WDR70: variants seen among roughly 807,000 people sequenced by gnomAD.
WDR70 encodes WD repeat-containing protein 70.
In WDR70, 53 loss-of-function variants were observed where a neutral mutation model predicts 88.6. That is an observed-to-expected ratio of 0.60 (90% CI 0.48 to 0.75). The LOEUF is 0.75. WDR70 is among the 30% of genes least tolerant of loss of function. The probability of loss-of-function intolerance (pLI) is 0.00; values close to 1 mark genes in which losing one functional copy is unlikely to be tolerated. For synonymous variants in WDR70, 280 were observed against 270.0 expected, an observed-to-expected ratio of 1.04 and a Z score of -0.36; for missense variants, 610 against 823.2, an observed-to-expected ratio of 0.74 and a Z score of 3.17.
At chr5:37,618,685 G>A (rs577237647) in intron 10 of WDR70, among the ~76,000 whole-genome samples, 1 of 152,300 alleles carries the variant, frequency 6.6e-6, no homozygotes, top group South Asian at 2.1e-4. Flanking sequence ...GGATATATCA[G>A]ATCAAATAGG....
chr5:37,456,065 A>G (rs1371496314), intron 7 of WDR70, among the ~76,000 whole-genome samples: 1 of 152,134 alleles, frequency 6.6e-6, no homozygotes, highest in Non-Finnish European at 1.5e-5. Flanking sequence ...AATACTCCGT[A>G]CTGTAGAGGT....
intron 6 of WDR70, among the ~76,000 whole-genome samples, chr5:37,442,466 G>A (rs544371987): frequency 3.8e-4 from 57 of 151,926 alleles, no homozygotes; most frequent in African/African-American, 1.4e-3. Context: ...AGCATTACAG[G>A]TGCATGCCTC....
chr5:37,396,996 G>T (rs1329304130), intron 5 of WDR70, among the ~76,000 whole-genome samples: 1 of 152,126 alleles, frequency 6.6e-6, no homozygotes, highest in Non-Finnish European at 1.5e-5. Context: ...GCAAAAATTA[G>T]ACGGGTGTTA....
chr5:37,704,261 T>C (rs75996747), intron 13 of WDR70, among the ~76,000 whole-genome samples: 31 of 152,350 alleles, frequency 2.0e-4, no homozygotes, highest in Non-Finnish European at 2.1e-4. Flanking sequence ...ATTGAATCTA[T>C]CAACTTTCAT....
intron 5 of WDR70, among the ~76,000 whole-genome samples, chr5:37,437,408 A>G (rs910793232): frequency 6.6e-6 from 1 of 152,132 alleles, no homozygotes; most frequent in South Asian, 2.1e-4. Flanking sequence ...TTGATGTTGA[A>G]AGGACCTTGT....
At chr5:37,449,318 G>T (rs1422314393) in intron 7 of WDR70, among the ~76,000 whole-genome samples, 1 of 152,150 alleles carries the variant, frequency 6.6e-6, no homozygotes, top group East Asian at 1.9e-4. Flanking sequence ...CAGGCCGGGC[G>T]CAGTGGCTCA....
chr5:37,746,079 C>T (rs1364646392), intron 17 of WDR70, among the ~76,000 whole-genome samples: 1 of 152,190 alleles, frequency 6.6e-6, no homozygotes, highest in African/African-American at 2.4e-5. Flanking sequence ...AACAGCCTCT[C>T]AGACCTCAGT....
chr5:37,418,406 G>A (rs1172552400), intron 5 of WDR70, among the ~76,000 whole-genome samples: 2 of 151,942 alleles, frequency 1.3e-5, no homozygotes, highest in Non-Finnish European at 2.9e-5. Flanking sequence ...TGCAAGCTCC[G>A]CCTCCCGGGT....
chr5:37,747,947 C>G (rs1748682254), intron 17 of WDR70, among the ~76,000 whole-genome samples: 1 of 152,128 alleles, frequency 6.6e-6, no homozygotes, highest in Non-Finnish European at 1.5e-5. Flanking sequence ...TGAAGAACCT[C>G]TTCAAGGAGA....
At chr5:37,638,269 T>C (rs1367793276) in intron 10 of WDR70, among the ~76,000 whole-genome samples, 1 of 152,242 alleles carries the variant, frequency 6.6e-6, no homozygotes, top group Non-Finnish European at 1.5e-5. Flanking sequence ...CTTCAAGTTT[T>C]AATTTGCTTT....
Position 37,724,922 on chromosome 5 carries a change from G to T in WDR70, c.1598-12G>T. ...TGTTATAATGAAATTTTTCAAATGT[G>T]ACTTCTTGTAGCTCATGCCTTGCCT... On this transcript the variant is annotated splice_polypyrimidine_tract_variant and intron_variant, in intron 15 of 17. Transcript: ENST00000265107. 1 of 1,611,346 alleles carries T rather than the reference G, an allele frequency of 6.2e-7. No individual in the cohort carries two copies. Among genetic ancestry groups the T allele is most frequent in the Non-Finnish European group, 8.5e-7 (1 of 1,178,532 alleles).
chr5:37,664,995 T>C (rs974639524), intron 10 of WDR70, among the ~76,000 whole-genome samples: 4 of 152,214 alleles, frequency 2.6e-5, no homozygotes, highest in African/African-American at 9.7e-5. Flanking sequence ...AATAAGATGG[T>C]CTGTACGAAT....
At chr5:37,501,598 A>G (rs1017943202) in intron 8 of WDR70, among the ~76,000 whole-genome samples, 3 of 152,176 alleles carry the variant, frequency 2.0e-5, no homozygotes, top group Non-Finnish European at 4.4e-5. Context: ...GGTTTGGACA[A>G]GTTTGCTTTA....
intron 8 of WDR70, among the ~76,000 whole-genome samples, chr5:37,484,449 G>C (rs1286326495): frequency 1.3e-5 from 2 of 152,190 alleles, no homozygotes; most frequent in Non-Finnish European, 2.9e-5. Context: ...CAGGCACTCG[G>C]CAGGCTGAGG....
In WDR70 at chr5:37,485,858, A is replaced by AT. The variant is rs57109943; in HGVS notation, c.840+5899dup. ...AGGCATGCGCCACCATGCCTGGCTA[A>AT]TTTTTTTTTTTTTTTTTTTTTTTTT... is the stretch of plus-strand genomic sequence containing the variant. On this transcript the variant is annotated intron_variant, in intron 8 of 17. Coordinates refer to ENST00000265107, the MANE Select transcript of WDR70 (RefSeq NM_018034.4). Among the ~76,000 whole-genome samples the AT allele has an allele frequency of 2.6e-3, 279 of 108,252 alleles. 8 individuals are homozygous for AT. Among genetic ancestry groups the AT allele is most frequent in the African/African-American group, 7.7e-3 (196 of 25,348 alleles). The allele number at this position is 108,252 out of a possible 152,430, so 71.0% of individuals were successfully genotyped here.
chr5:37,403,621 T>C (rs1460323897), intron 5 of WDR70, among the ~76,000 whole-genome samples: 1 of 152,226 alleles, frequency 6.6e-6, no homozygotes, highest in African/African-American at 2.4e-5. Flanking sequence ...CAATTTCACA[T>C]AGTGGAGTGG....
intron 13 of WDR70, among the ~76,000 whole-genome samples, chr5:37,716,610 A>G (rs1051398236): frequency 6.6e-6 from 1 of 152,148 alleles, no homozygotes; most frequent in Non-Finnish European, 1.5e-5. Flanking sequence ...ACCACTCTCT[A>G]CAGCCTCAGT....
chr5:37,429,601 C>A lies in WDR70; in HGVS notation c.493-8321C>A, dbSNP rs936981124. Among the ~76,000 whole-genome samples, 4 of 152,142 alleles carry A rather than the reference C, an allele frequency of 2.6e-5. No homozygotes were observed. The East Asian group carries it at 7.7e-4, about 29-fold the overall frequency. On this transcript the variant is annotated intron_variant, in intron 5 of 17. Coordinates refer to ENST00000265107, the MANE Select transcript of WDR70 (RefSeq NM_018034.4). Reference sequence around the variant, plus strand: ...GAGTATTGTTTGTTTAAAAGGTCTTCTCATTTGGATTATCTTGGCATTTTT... The same window carrying A: ...GAGTATTGTTTGTTTAAAAGGTCTTATCATTTGGATTATCTTGGCATTTTT...
chr5:37,528,697 G>T (rs140361577), intron 9 of WDR70, among the ~76,000 whole-genome samples: 1 of 152,052 alleles, frequency 6.6e-6, no homozygotes, highest in East Asian at 1.9e-4. Context: ...TGATTTCCTT[G>T]TAGATTCTAG....
Sources: gnomAD v4.1 joint callset for allele counts (sites outside exome capture counted in the v4.1 genomes callset) on GRCh38, gnomAD v4.1.1 for gene constraint, MANE v1.5 for transcripts, NCBI Gene and HGNC (gene_info 2026-07-23, HGNC 2026-07-21) for gene names.